Variants in SLC9A9 observed in about 807,000 individuals in gnomAD.
The protein encoded by SLC9A9 is sodium/hydrogen exchanger 9.
Under a neutral mutation model 77.8 loss-of-function variants are expected in SLC9A9, and 62 were observed. The ratio of observed to expected loss-of-function variants is 0.80; its 90% CI spans 0.65 to 0.98. The LOEUF (loss-of-function observed/expected upper bound fraction) is 0.98, where lower values mean the gene tolerates loss of function less well. Ranked by LOEUF, SLC9A9 falls within the 50% of genes least tolerant of loss-of-function variation. The pLI is 0.00. For synonymous variants in SLC9A9, 320 were observed against 283.5 expected, an observed-to-expected ratio of 1.13 and a Z score of -1.29; for missense variants, 775 against 774.9, an observed-to-expected ratio of 1.00 and a Z score of 0.00.
chr3:143,471,925 C>T (rs536732961), intron 11 of SLC9A9, among the ~76,000 whole-genome samples: 1 of 152,192 alleles, frequency 6.6e-6, no homozygotes, highest in African/African-American at 2.4e-5. Context: ...CCAAGGAAAG[C>T]TTTCTAGCAA....
chr3:143,559,144 G>A (rs888530645), intron 8 of SLC9A9, among the ~76,000 whole-genome samples: 3 of 152,196 alleles, frequency 2.0e-5, no homozygotes, highest in African/African-American at 7.2e-5. Flanking sequence ...CCCCAGCCAT[G>A]TGGAACTGTG....
chr3:143,728,886 T>C (rs951433625), intron 4 of SLC9A9, among the ~76,000 whole-genome samples: 11 of 151,784 alleles, frequency 7.2e-5, no homozygotes, highest in African/African-American at 1.9e-4. Context: ...ATGGTGGAGA[T>C]ACATTAGAGG....
intron 6 of SLC9A9, among the ~76,000 whole-genome samples, chr3:143,640,019 C>CTTTT (rs10575577): frequency 6.4e-5 from 8 of 124,148 alleles, no homozygotes; most frequent in East Asian, 4.6e-4. Context: ...CTTTTTTTTT[C>CTTTT]TTTTTTTTTT....
intron 14 of SLC9A9, among the ~76,000 whole-genome samples, chr3:143,304,920 C>G (rs2030709614): frequency 6.6e-6 from 1 of 152,166 alleles, no homozygotes; most frequent in Non-Finnish European, 1.5e-5. Context: ...AGCCTAGCTC[C>G]TCCTGCTGGT....
intron 2 of SLC9A9, among the ~76,000 whole-genome samples, chr3:143,828,553 A>G (rs183227567): frequency 9.9e-5 from 15 of 152,268 alleles, no homozygotes; most frequent in African/African-American, 3.4e-4. Flanking sequence ...AAACAAGCAC[A>G]TACCTACCCC....
At chr3:143,274,217 C>G (rs952483303) in intron 14 of SLC9A9, among the ~76,000 whole-genome samples, 19 of 152,204 alleles carry the variant, frequency 1.2e-4, no homozygotes, top group African/African-American at 4.3e-4. Context: ...CTTGTCAGCA[C>G]ACAGCTGTGT....
chr3:143,397,298 T>A (rs1398602472), intron 12 of SLC9A9, among the ~76,000 whole-genome samples: 1 of 152,224 alleles, frequency 6.6e-6, no homozygotes, highest in Non-Finnish European at 1.5e-5. Context: ...CAAATGCACA[T>A]CCCCAGAAAA....
intron 5 of SLC9A9, among the ~76,000 whole-genome samples, chr3:143,674,853 T>C (rs1290335839): frequency 6.6e-6 from 1 of 152,206 alleles, no homozygotes; most frequent in Non-Finnish European, 1.5e-5. Context: ...AGATTAAAAA[T>C]ATCAGTTCCA....
intron 6 of SLC9A9, among the ~76,000 whole-genome samples, chr3:143,637,862 T>C (rs1250552050): frequency 6.6e-6 from 1 of 152,154 alleles, no homozygotes; most frequent in Non-Finnish European, 1.5e-5. Context: ...GTAAAACACA[T>C]ACTTTCCACA....
At chr3:143,615,408 T>TG (rs1056513894) in intron 6 of SLC9A9, among the ~76,000 whole-genome samples, 1 of 152,212 alleles carries the variant, frequency 6.6e-6, no homozygotes, top group African/African-American at 2.4e-5. Flanking sequence ...GGTCCACAGA[T>TG]GGAGACCCTC....
At chr3:143,381,502 A>G (rs1350498458) in intron 13 of SLC9A9, 1 of 157,420 alleles carries the variant, frequency 6.4e-6, no homozygotes, top group African/African-American at 2.4e-5. Context: ...GTATGTCTTC[A>G]TCAGCATTAT....
chr3:143,425,804 T>C (rs2034393953), intron 12 of SLC9A9, among the ~76,000 whole-genome samples: 1 of 152,090 alleles, frequency 6.6e-6, no homozygotes, highest in African/African-American at 2.4e-5. Context: ...AAATGTTACT[T>C]TAAAACATTT....
intron 14 of SLC9A9, among the ~76,000 whole-genome samples, chr3:143,293,731 G>A (rs142684952): frequency 4.3e-4 from 65 of 152,224 alleles, no homozygotes; most frequent in African/African-American, 1.5e-3. Context: ...CTTGAATAAC[G>A]TGACACTCAA....
chr3:143,519,758 T>G (rs1559950434), intron 9 of SLC9A9, among the ~76,000 whole-genome samples: 1 of 152,122 alleles, frequency 6.6e-6, no homozygotes, highest in Non-Finnish European at 1.5e-5. Context: ...TCTGTATATA[T>G]TTTGAAAGTA....
chr3:143,516,427 C>T (rs1185018937), intron 9 of SLC9A9, among the ~76,000 whole-genome samples: 1 of 152,078 alleles, frequency 6.6e-6, no homozygotes, highest in Admixed American at 6.5e-5. Context: ...ACCTCTCACA[C>T]TGGTATCTTA....
At chr3:143,539,876 A>AAGAGAGAG (rs67678469) in intron 9 of SLC9A9, among the ~76,000 whole-genome samples, 36 of 150,544 alleles carry the variant, frequency 2.4e-4, no homozygotes, top group South Asian at 2.1e-4. Context: ...GTGAAAAATT[A>AAGAGAGAG]AGAGAGAGAG....
chr3:143,425,574 T>A (rs947035702), intron 12 of SLC9A9, among the ~76,000 whole-genome samples: 7 of 152,164 alleles, frequency 4.6e-5, no homozygotes, highest in African/African-American at 1.7e-4. Flanking sequence ...GGGTACTTAA[T>A]GTCAAACTGA....
intron 4 of SLC9A9, among the ~76,000 whole-genome samples, chr3:143,745,166 C>A (rs1158228434): frequency 6.6e-6 from 1 of 151,842 alleles, no homozygotes; most frequent in African/African-American, 2.4e-5. Context: ...GGCAATAACT[C>A]AAAGAAGAGA....
chr3:143,613,965 G>A (rs760079996), intron 6 of SLC9A9, among the ~76,000 whole-genome samples: 2 of 152,082 alleles, frequency 1.3e-5, no homozygotes, highest in Non-Finnish European at 2.9e-5. Flanking sequence ...GGGAAAATTA[G>A]CACTTTTAAT....
Sources: gnomAD v4.1 joint callset for allele counts (sites outside exome capture counted in the v4.1 genomes callset) on GRCh38, gnomAD v4.1.1 for gene constraint, MANE v1.5 for transcripts, NCBI Gene and HGNC (gene_info 2026-07-23, HGNC 2026-07-21) for gene names.